Variants in MTCL1 observed in about 807,000 individuals in gnomAD.
The protein encoded by MTCL1 is microtubule crosslinking factor 1, also known as microtubule cross-linking factor 1.
A neutral mutation model predicts 141.4 loss-of-function variants in MTCL1; 79 were observed. That is an observed-to-expected ratio of 0.56 (90% CI 0.47 to 0.67). MTCL1 has a LOEUF of 0.67. MTCL1 is among the 30% of genes least tolerant of loss of function. The pLI is 0.00. For missense variants in MTCL1, 2,177 were observed against 2,113.9 expected (o/e 1.03, Z -0.59); for synonymous variants, 914 against 875.8 (o/e 1.04, Z -0.77).
intron 4 of MTCL1, among the ~76,000 whole-genome samples, chr18:8,736,293 C>A (rs775351467): frequency 2.2e-4 from 34 of 151,546 alleles, no homozygotes; most frequent in Non-Finnish European, 2.9e-4. Context: ...TGTAGATGCT[C>A]CTTGACTTAT....
chr18:8,816,794 T>C (rs2076668897), intron 12 of MTCL1, among the ~76,000 whole-genome samples: 1 of 152,208 alleles, frequency 6.6e-6, no homozygotes. Flanking sequence ...TGTATTAAAA[T>C]ACAAATCTTT....
intron 7 of MTCL1, 127 bp downstream of exon 6, chr18:8,786,218 G>T: frequency 8.9e-7 from 1 of 1,129,030 alleles, no homozygotes; most frequent in Non-Finnish European, 1.3e-6. Context: ...GGAACTAGGT[G>T]GAACTCACTT....
intron 10 of MTCL1, among the ~76,000 whole-genome samples, chr18:8,798,831 C>A (rs1293532361): frequency 6.6e-6 from 1 of 152,130 alleles, no homozygotes; most frequent in Non-Finnish European, 1.5e-5. Context: ...CAGAAATAGA[C>A]TCTACTTAAT....
exon 13 of MTCL1, chr18:8,819,000 T>G (rs774595055): frequency 6.2e-7 from 1 of 1,614,142 alleles, no homozygotes; most frequent in Non-Finnish European, 8.5e-7. Flanking sequence ...GGTGGCAGTT[T>G]CCTCTGTGAT....
intron 4 of MTCL1, among the ~76,000 whole-genome samples, chr18:8,756,197 G>A (rs2148975586): frequency 6.6e-6 from 1 of 152,266 alleles, no homozygotes; most frequent in Middle Eastern, 3.4e-3. Flanking sequence ...CTCTCTTGTA[G>A]GTCAGGGCCT....
chr18:8,825,135 G>A, exon 15 of MTCL1: 1 of 1,587,940 alleles, frequency 6.3e-7, no homozygotes, highest in African/African-American at 1.3e-5. Flanking sequence ...CACGGCGGCA[G>A]GTGGTGAGGG....
At chr18:8,743,909 TC>T (rs1209397705) in intron 4 of MTCL1, among the ~76,000 whole-genome samples, 2 of 152,188 alleles carry the variant, frequency 1.3e-5, no homozygotes, top group African/African-American at 4.8e-5. Context: ...AAGCAAAACT[TC>T]AGAGCTGGTG....
chr18:8,733,118 G>T (rs888795122), intron 4 of MTCL1, among the ~76,000 whole-genome samples: 9 of 152,224 alleles, frequency 5.9e-5, no homozygotes, highest in African/African-American at 1.9e-4. Flanking sequence ...TGGCAGGGGG[G>T]AGGAAGGTGA....
chr18:8,784,949 T>C (rs2096546205), intron 6 of MTCL1, 106 bp downstream of exon 5: 1 of 1,053,836 alleles, frequency 9.5e-7, no homozygotes, highest in Non-Finnish European at 1.3e-6. Flanking sequence ...TTGGTTATGA[T>C]TTCAAACCTG....
At chr18:8,755,254 C>T (rs529513729) in intron 4 of MTCL1, among the ~76,000 whole-genome samples, 57 of 152,268 alleles carry the variant, frequency 3.7e-4, no homozygotes, top group African/African-American at 1.3e-3. Flanking sequence ...CTGCCAAGGT[C>T]GCAGGTGCTA....
At chr18:8,824,333 G>A (rs188204003) in intron 14 of MTCL1, among the ~76,000 whole-genome samples, 8 of 152,318 alleles carry the variant, frequency 5.3e-5, no homozygotes, top group Admixed American at 1.3e-4. Flanking sequence ...GTGGCTCACC[G>A]TCTTCACCCT....
chr18:8,781,267 T>C (rs1197839910), intron 5 of MTCL1, among the ~76,000 whole-genome samples: 2 of 151,328 alleles, frequency 1.3e-5, no homozygotes, highest in Non-Finnish European at 2.9e-5. Flanking sequence ...ACACAACGTA[T>C]GCCTTTTACA....
intron 1 of MTCL1, among the ~76,000 whole-genome samples, chr18:8,711,634 TG>T (rs2096093006): frequency 6.6e-6 from 1 of 152,022 alleles, no homozygotes. Context: ...ATTTCTCTGA[TG>T]GCCAGTGATG....
chr18:8,792,441 C>T (rs2075764269), intron 7 of MTCL1, among the ~76,000 whole-genome samples: 1 of 152,232 alleles, frequency 6.6e-6, no homozygotes, highest in African/African-American at 2.4e-5. Context: ...CATCTCTGCT[C>T]ATTGATGAAC....
intron 10 of MTCL1, among the ~76,000 whole-genome samples, chr18:8,798,650 G>A (rs948049186): frequency 6.6e-6 from 1 of 152,164 alleles, no homozygotes; most frequent in South Asian, 2.1e-4. Flanking sequence ...CAAAGGACAC[G>A]TTTTAAAAAA....
chr18:8,739,641 C>A lies in MTCL1; in HGVS notation c.357+19145C>A, dbSNP rs185354768. ...CTGTGTGATCATACAGCCTTCTGCT[C>A]AAAGGGGAGGTCTGTGTGTGGGTTT... On this transcript the variant is annotated intron_variant, in intron 4 of 16. Coordinates refer to ENST00000359865, the Ensembl canonical transcript of MTCL1. Among the ~76,000 whole-genome samples the A allele has an allele frequency of 1.2e-4, 19 of 152,312 alleles. No homozygotes were observed. The East Asian group carries it at 3.5e-3, about 28-fold the overall frequency.
In MTCL1 at chr18:8,822,474, A is replaced by G. The variant is rs533420216; in HGVS notation, c.3188+976A>G. Among the ~76,000 whole-genome samples, 1 of 152,312 alleles carries G rather than the reference A, an allele frequency of 6.6e-6. No homozygotes were observed. The highest frequency in any genetic ancestry group is 1.9e-4 in the East Asian group (1 of 5,174). The stretch of plus-strand genomic sequence containing the variant: ...ACCCGGCTAATTTTTGTCTTTTAAT[A>G]GAAACAGAGTTTCGCCATGTTGGCC... On this transcript the variant is annotated intron_variant, in intron 14 of 16. Transcript: ENST00000359865. This position sits in a 1 kb window ranked among gnomAD's most constrained non-coding sequence, Gnocchi z 4.6.
At chr18:8,724,842 G>A (rs780756210) in intron 4 of MTCL1, among the ~76,000 whole-genome samples, 1 of 151,990 alleles carries the variant, frequency 6.6e-6, no homozygotes, top group Non-Finnish European at 1.5e-5. Flanking sequence ...GGGCTGATCT[G>A]GCTAGAATTA....
intron 7 of MTCL1, chr18:8,786,547 G>A (rs1298736443): frequency 8.3e-6 from 3 of 362,340 alleles, no homozygotes; most frequent in Non-Finnish European, 1.6e-5. Context: ...ACTGCTGGCA[G>A]GTTGGTAGAA....
Sources: gnomAD v4.1 joint callset for allele counts (sites outside exome capture counted in the v4.1 genomes callset) on GRCh38, gnomAD v4.1.1 for gene constraint, Gnocchi (gnomAD v3.1) non-coding constraint, MANE v1.5 for transcripts, NCBI Gene and HGNC (gene_info 2026-07-23, HGNC 2026-07-21) for gene names.